Variants in CYSLTR2 observed in about 807,000 individuals in gnomAD.
The protein encoded by CYSLTR2 is cysteinyl leukotriene receptor 2.
For missense variants in CYSLTR2, 398 were observed against 411.9 expected (o/e 0.97, Z 0.29); for synonymous variants, 179 against 160.8 (o/e 1.11, Z -0.86).
At chr13:48,683,463 G>A (rs1953812467) in intron 1 of CYSLTR2, among the ~76,000 whole-genome samples, 1 of 151,884 alleles carries the variant, frequency 6.6e-6, no homozygotes, top group Non-Finnish European at 1.5e-5. Flanking sequence ...TTTTTGATTT[G>A]CATTTATCTA....
rs1343701965 is a variant in CYSLTR2, at chr13:48,657,472, C to G, written c.-266+3455C>G. ...TACAGGAAGCAGACTATAGAAAGAACAGAAGAAAGGAGAGAAAGGAGGGAA... is the reference window on the plus strand; with the variant it reads ...TACAGGAAGCAGACTATAGAAAGAAGAGAAGAAAGGAGAGAAAGGAGGGAA... On this transcript the variant is annotated intron_variant, in intron 1 of 4. Coordinates refer to ENST00000682523, the MANE Select transcript of CYSLTR2 (RefSeq NM_001308476.3). Among the ~76,000 whole-genome samples, 3 of 148,568 alleles carry G rather than the reference C, an allele frequency of 2.0e-5. No homozygotes were observed. The East Asian group carries it at 5.9e-4, about 29-fold the overall frequency.
intron 1 of CYSLTR2, among the ~76,000 whole-genome samples, chr13:48,687,993 A>C (rs1053912772): frequency 1.3e-5 from 2 of 152,240 alleles, no homozygotes; most frequent in African/African-American, 4.8e-5. Context: ...CAGTGAAGTC[A>C]AACAAGTCCT....
intron 1 of CYSLTR2, among the ~76,000 whole-genome samples, chr13:48,676,077 G>A (rs937569156): frequency 2.0e-5 from 3 of 152,150 alleles, no homozygotes; most frequent in African/African-American, 4.8e-5. Context: ...GCTGCAAACC[G>A]GAGCTGTTCC....
At chr13:48,699,845 T>G (rs994082183) in intron 4 of CYSLTR2, among the ~76,000 whole-genome samples, 1 of 152,124 alleles carries the variant, frequency 6.6e-6, no homozygotes, top group Admixed American at 6.6e-5. Flanking sequence ...ATATCACCAC[T>G]GATCCAACAG....
At chr13:48,654,549 A>T (rs2138785180) in intron 1 of CYSLTR2, among the ~76,000 whole-genome samples, 1 of 152,156 alleles carries the variant, frequency 6.6e-6, no homozygotes, top group Non-Finnish European at 1.5e-5. Flanking sequence ...ATTATATAAG[A>T]TATATTTTTT....
intron 1 of CYSLTR2, among the ~76,000 whole-genome samples, chr13:48,681,015 T>C (rs1248794607): frequency 1.3e-5 from 2 of 152,096 alleles, no homozygotes; most frequent in Non-Finnish European, 2.9e-5. Context: ...TGTATATATA[T>C]TTTTTTCCTT....
chr13:48,696,714 G>C (rs1035897292), intron 4 of CYSLTR2, 88 bp downstream of exon 4: 3 of 152,288 alleles, frequency 2.0e-5, no homozygotes, highest in African/African-American at 7.2e-5. Context: ...GGAAGCACAA[G>C]GGGTCAGGGA....
rs961183832 is a variant in CYSLTR2, at chr13:48,696,535, G to T, written c.-93G>T. 6.6e-6 allele frequency: 1 copy of T among 152,090 alleles called. No homozygotes were observed. Among genetic ancestry groups the T allele is most frequent in the Admixed American group, 6.5e-5 (1 of 15,268 alleles). The allele number at this position is 152,090 out of a possible 1,614,324, so 9.4% of individuals were successfully genotyped here. A position where few individuals can be genotyped will look rare whatever the true frequency, so the allele number is the denominator to read the frequency against. ...TAATTTTACATTCTAGGGAAAACTA[G>T]GTTCCAAGATGGCTGAATAGGAAGA... is the stretch of plus-strand genomic sequence containing the variant. On this transcript the variant is annotated 5_prime_UTR_variant, in exon 4 of 5. It adds an upstream start codon to the 5' untranslated region. Transcript: ENST00000682523.
At chr13:48,690,286 T>A (rs1471036842) in intron 1 of CYSLTR2, among the ~76,000 whole-genome samples, 1 of 152,176 alleles carries the variant, frequency 6.6e-6, no homozygotes, top group African/African-American at 2.4e-5. Flanking sequence ...CGTCCAATAC[T>A]ATGTTGAATA....
At chr13:48,667,891 A>G (rs549460945) in intron 1 of CYSLTR2, among the ~76,000 whole-genome samples, 8 of 152,340 alleles carry the variant, frequency 5.3e-5, no homozygotes, top group African/African-American at 1.9e-4. Context: ...TGGAGAATTA[A>G]AAACCGCAAC....
chr13:48,668,749 C>T (rs1953336426), intron 1 of CYSLTR2, among the ~76,000 whole-genome samples: 2 of 151,956 alleles, frequency 1.3e-5, no homozygotes, highest in African/African-American at 4.8e-5. Context: ...TAATGCTATC[C>T]CTCCCCTTGT....
rs202089255 is a variant in CYSLTR2, at chr13:48,707,298, A to T, written c.481A>T (p.Ile161Phe). Residue 161 changes from isoleucine to phenylalanine, a missense_variant, in exon 5 of 5, where the codon ATC becomes TTC. Coordinates refer to ENST00000682523, the MANE Select transcript of CYSLTR2 (RefSeq NM_001308476.3). ...CAGGAGTGCCTGGATCCTCTGTGGG[A>T]TCATATGGATCCTTATCATGGCTTC... is the stretch of plus-strand genomic sequence containing the variant. ...SIRSAWILCG[I>F]IWILIMASSI... 41 of 1,613,780 alleles carry T rather than the reference A, an allele frequency of 2.5e-5. No individual in the cohort carries two copies. Among genetic ancestry groups the T allele is most frequent in the Non-Finnish European group, 3.3e-5 (39 of 1,180,022 alleles).
chr13:48,659,549 G>A (rs1366733646), intron 1 of CYSLTR2, among the ~76,000 whole-genome samples: 1 of 152,166 alleles, frequency 6.6e-6, no homozygotes, highest in Non-Finnish European at 1.5e-5. Context: ...GCTGTCTAGG[G>A]GAAATGAGAA....
chr13:48,699,763 G>C (rs1480406938), intron 4 of CYSLTR2, among the ~76,000 whole-genome samples: 1 of 152,082 alleles, frequency 6.6e-6, no homozygotes, highest in Non-Finnish European at 1.5e-5. Flanking sequence ...AAAATTGATA[G>C]ACTGCTAGCA....
intron 1 of CYSLTR2, among the ~76,000 whole-genome samples, chr13:48,676,411 A>T (rs1299735634): frequency 1.3e-5 from 2 of 152,248 alleles, no homozygotes; most frequent in Non-Finnish European, 2.9e-5. Flanking sequence ...TCTAGCAATG[A>T]TGTATAGATT....
At chr13:48,686,900 A>G (rs1423312762) in intron 1 of CYSLTR2, among the ~76,000 whole-genome samples, 6 of 152,234 alleles carry the variant, frequency 3.9e-5, no homozygotes, top group Non-Finnish European at 1.5e-5. Flanking sequence ...GAGAACTTGT[A>G]AAGCATGACT....
intron 1 of CYSLTR2, among the ~76,000 whole-genome samples, chr13:48,673,775 C>G (rs1377805940): frequency 6.6e-6 from 1 of 151,950 alleles, no homozygotes; most frequent in Non-Finnish European, 1.5e-5. Flanking sequence ...TTTTCTTTTC[C>G]ATATTTAGTG....
chr13:48,693,658 A>T (rs1325793704), intron 3 of CYSLTR2, 148 bp downstream of exon 3: 1 of 152,082 alleles, frequency 6.6e-6, no homozygotes, highest in Non-Finnish European at 1.5e-5. Flanking sequence ...CTCTGAAAAG[A>T]GAGGGAGGAA....
chr13:48,665,739 G>A (rs1239664844), intron 1 of CYSLTR2, among the ~76,000 whole-genome samples: 2 of 151,952 alleles, frequency 1.3e-5, no homozygotes, highest in Middle Eastern at 3.2e-3. Flanking sequence ...CATATAGTTA[G>A]GTCTTGTGTT....
Sources: allele counts gnomAD v4.1 joint callset (sites outside exome capture counted in the v4.1 genomes callset), GRCh38; gene constraint gnomAD v4.1.1; transcripts MANE v1.5; gene names NCBI Gene and HGNC (gene_info 2026-07-23, HGNC 2026-07-21).